Variants in POLR3G observed in about 807,000 individuals in gnomAD.
POLR3G encodes the protein RNA polymerase III subunit G.
In POLR3G, 28 loss-of-function variants were observed where a neutral mutation model predicts 30.1. That is an observed-to-expected ratio of 0.93 (90% confidence interval 0.69 to 1.27). The LOEUF (loss-of-function observed/expected upper bound fraction) is 1.27, where lower values mean the gene tolerates loss of function less well. POLR3G is among the 50% of genes most tolerant of loss of function. The pLI, the probability that POLR3G is intolerant of heterozygous loss-of-function variation, is 0.00. For missense variants in POLR3G, 254 were observed against 264.6 expected (o/e 0.96, Z 0.28); for synonymous variants, 79 against 82.5 (o/e 0.96, Z 0.23).
chr5:90,477,695 T>C (rs1750904845), intron 1 of POLR3G, among the ~76,000 whole-genome samples: 1 of 152,324 alleles, frequency 6.6e-6, no homozygotes, highest in East Asian at 1.9e-4. Context: ...GCTGACGTTG[T>C]TACTGGTGGA....
chr5:90,479,538 A>G (rs1183512829), intron 1 of POLR3G, among the ~76,000 whole-genome samples: 4 of 152,136 alleles, frequency 2.6e-5, no homozygotes, highest in Non-Finnish European at 2.9e-5. Context: ...GAAAAGATCA[A>G]TTTCCCAAAA....
In POLR3G at chr5:90,485,528, C is replaced by A; in HGVS notation, c.-40C>A. 1 of 1,381,602 alleles carries A rather than the reference C, an allele frequency of 7.2e-7. No individual in the cohort carries two copies. The highest frequency in any genetic ancestry group is 1.0e-6 in the Non-Finnish European group (1 of 984,168). The allele number at this position is 1,381,602 out of a possible 1,614,324, so 85.6% of individuals were successfully genotyped here. A position where few individuals can be genotyped will look rare whatever the true frequency, so the allele number is the denominator to read the frequency against. On this transcript the variant is annotated 5_prime_UTR_variant, in exon 2 of 8. Coordinates refer to ENST00000651687, the MANE Select transcript of POLR3G (RefSeq NM_006467.3). ...AGTAAATCGTAATCATTAATAGTGC[C>A]TTTCAGAATTTGCCCACTCATCTGG...
intron 1 of POLR3G, among the ~76,000 whole-genome samples, chr5:90,481,407 A>G (rs1751117829): frequency 6.6e-6 from 1 of 152,218 alleles, no homozygotes; most frequent in South Asian, 2.1e-4. Flanking sequence ...GAATACAGGA[A>G]TATGTTAAAT....
At chr5:90,507,058 C>A (rs1752522272) in intron 7 of POLR3G, among the ~76,000 whole-genome samples, 1 of 152,122 alleles carries the variant, frequency 6.6e-6, no homozygotes, top group Non-Finnish European at 1.5e-5. Context: ...CAGTGTGTTT[C>A]AAATTCCAAA....
intron 6 of POLR3G, among the ~76,000 whole-genome samples, chr5:90,504,755 T>C (rs1308993519): frequency 6.6e-6 from 1 of 152,106 alleles, no homozygotes; most frequent in Non-Finnish European, 1.5e-5. Context: ...ATTAAAATAG[T>C]AAAAAAATAT....
chr5:90,476,439 C>G (rs1404958854), intron 1 of POLR3G, among the ~76,000 whole-genome samples: 1 of 152,176 alleles, frequency 6.6e-6, no homozygotes, highest in Non-Finnish European at 1.5e-5. Context: ...AAGCTAGATT[C>G]AGTAAGAATA....
At chr5:90,497,292 C>T (rs1752041244) in intron 4 of POLR3G, among the ~76,000 whole-genome samples, 1 of 151,744 alleles carries the variant, frequency 6.6e-6, no homozygotes, top group Non-Finnish European at 1.5e-5. Context: ...ATATCAACTA[C>T]AGAATATATC....
rs1371743689 is a variant in POLR3G at position 90,512,605 on chromosome 5, T to C, written c.*466T>C. 6.5e-6 allele frequency: 1 copy of C among 154,448 alleles called. No homozygotes were observed. Among genetic ancestry groups the C allele is most frequent in the African/African-American group, 2.4e-5 (1 of 41,468 alleles). The allele number at this position is 154,448 out of a possible 1,614,324, so 9.6% of individuals were successfully genotyped here. A position where few individuals can be genotyped will look rare whatever the true frequency, so the allele number is the denominator to read the frequency against. ...TTTTATTTTTTACCTTTACATGGTG[T>C]GTTCTAGACTACTGCATTATGACTA... On this transcript the variant is annotated 3_prime_UTR_variant, in exon 8 of 8. Transcript: ENST00000651687.
intron 3 of POLR3G, among the ~76,000 whole-genome samples, chr5:90,490,179 TTTG>T (rs1420497961): frequency 1.3e-5 from 2 of 152,074 alleles, no homozygotes; most frequent in Non-Finnish European, 2.9e-5. Context: ...AAAACATAAT[TTTG>T]TTGTTGGTCT....
At chr5:90,485,785 A>C in intron 2 of POLR3G, 101 bp downstream of exon 2, 1 of 727,504 alleles carries the variant, frequency 1.4e-6, no homozygotes, top group South Asian at 2.1e-5. Context: ...AGCATCCTCA[A>C]GTATAAGAAA....
rs574752607 is a variant in POLR3G at position 90,514,220 on chromosome 5, A to G, written c.*2081A>G. On this transcript the variant is annotated 3_prime_UTR_variant, in exon 8 of 8. Transcript: ENST00000651687. ...AGCATGAGTCTCATTTTTCTGGCTT[A>G]AAATCTGGGACTGTGAAATTATTCC... 2.0e-5 allele frequency: 3 copies of G among 152,326 alleles called. No individual in the cohort carries two copies. The highest frequency in any genetic ancestry group is 7.2e-5 in the African/African-American group (3 of 41,570). 9.4% of individuals were successfully genotyped at this position (152,326 alleles called of 1,614,324 possible). A position where few individuals can be genotyped will look rare whatever the true frequency, so the allele number is the denominator to read the frequency against.
chr5:90,485,040 G>C (rs1489296740), intron 1 of POLR3G, among the ~76,000 whole-genome samples: 2 of 151,854 alleles, frequency 1.3e-5, no homozygotes, highest in East Asian at 3.9e-4. Context: ...CATCTTTCGA[G>C]TCTCATTGAT....
intron 7 of POLR3G, among the ~76,000 whole-genome samples, chr5:90,508,219 A>G (rs1752579862): frequency 2.0e-5 from 3 of 151,174 alleles, no homozygotes; most frequent in Admixed American, 1.3e-4. Context: ...CTTTTCTTTC[A>G]CTCTTAGCAG....
Position 90,484,721 on chromosome 5 carries a change from T to TA in POLR3G, c.-43-803dup, listed in dbSNP as rs1751346481. On this transcript the variant is annotated intron_variant, in intron 1 of 7. Coordinates refer to ENST00000651687, the MANE Select transcript of POLR3G (RefSeq NM_006467.3). Reference sequence around the variant, plus strand: ...CTTCCTCCGAGTGGTCCAGGGGACATACCATTTCTCTCTTGGGTTCAAGGG... The same window carrying TA: ...CTTCCTCCGAGTGGTCCAGGGGACATAACCATTTCTCTCTTGGGTTCAAGGG... Among the ~76,000 whole-genome samples, 2 of 152,174 alleles carry TA rather than the reference T, an allele frequency of 1.3e-5. 1 individual carries two copies. The highest frequency in any genetic ancestry group is 4.1e-4 in the South Asian group (2 of 4,826).
At chr5:90,492,201 A>C (rs1751759130) in intron 3 of POLR3G, among the ~76,000 whole-genome samples, 1 of 152,190 alleles carries the variant, frequency 6.6e-6, no homozygotes. Flanking sequence ...GTCTTCAATG[A>C]ATTTTCTCAA....
intron 1 of POLR3G, among the ~76,000 whole-genome samples, chr5:90,481,532 C>T (rs1197391012): frequency 6.6e-6 from 1 of 152,118 alleles, no homozygotes; most frequent in Non-Finnish European, 1.5e-5. Context: ...GATAAAAATT[C>T]AGATTCTCAG....
At chr5:90,474,319 G>A (rs1338805045), upstream of POLR3G, 2 of 1,603,188 alleles carry the variant, frequency 1.2e-6, no homozygotes, top group Non-Finnish European at 1.7e-6. Context: ...GCCAGGCGGG[G>A]TGAGTGTGGG....
intron 1 of POLR3G, among the ~76,000 whole-genome samples, chr5:90,483,347 A>C (rs1751245194): frequency 6.6e-6 from 1 of 152,186 alleles, no homozygotes; most frequent in Non-Finnish European, 1.5e-5. Flanking sequence ...ATATCTGAAA[A>C]TGTTCTCAGT....
chr5:90,478,586 T>TTTTTTTTTTTTTTTGG, intron 1 of POLR3G, among the ~76,000 whole-genome samples: 1 of 146,924 alleles, frequency 6.8e-6, no homozygotes, highest in Admixed American at 6.8e-5. Context: ...TTTTTTTTTT[T>TTTTTTTTTTTTTTTGG]GAGAGGGAGC....
Sources: allele counts gnomAD v4.1 joint callset (sites outside exome capture counted in the v4.1 genomes callset), GRCh38; gene constraint gnomAD v4.1.1; transcripts MANE v1.5; gene names NCBI Gene and HGNC (gene_info 2026-07-23, HGNC 2026-07-21).